Variants in SOX5 observed in about 807,000 individuals in gnomAD.
SOX5 encodes the protein SRY-box transcription factor 5.
A neutral mutation model predicts 92.0 loss-of-function variants in SOX5; 9 were observed. The ratio of observed to expected loss-of-function variants is 0.10; its 90% CI spans 0.06 to 0.17. The LOEUF (loss-of-function observed/expected upper bound fraction) is 0.17, where lower values mean the gene tolerates loss of function less well. Among genes scored for constraint, SOX5 ranks in the 10% least tolerant of loss-of-function variants. The probability of loss-of-function intolerance (pLI) is 1.00; values close to 1 mark genes in which losing one functional copy is unlikely to be tolerated. For synonymous variants in SOX5, 344 were observed against 336.3 expected, an observed-to-expected ratio of 1.02 and a Z score of -0.25; for missense variants, 642 against 944.5, an observed-to-expected ratio of 0.68 and a Z score of 4.20.
intron 7 of SOX5, among the ~76,000 whole-genome samples, chr12:23,661,937 CTT>C (rs1411046925): frequency 1.3e-5 from 2 of 152,090 alleles, no homozygotes; most frequent in Non-Finnish European, 2.9e-5. Flanking sequence ...TAAATTATCT[CTT>C]ATACAGTCTG....
chr12:23,920,240 A>C (rs1034142852), intron 1 of SOX5: 9 of 152,250 alleles, frequency 5.9e-5, no homozygotes, highest in African/African-American at 9.6e-5. Flanking sequence ...GATAGAAAAG[A>C]ATGTTTTTAA....
At chr12:23,579,017 G>A (rs1382432321) in intron 9 of SOX5, among the ~76,000 whole-genome samples, 1 of 152,214 alleles carries the variant, frequency 6.6e-6, no homozygotes, top group Non-Finnish European at 1.5e-5. Flanking sequence ...GAACAGGGAA[G>A]ATATTTATGA....
At chr12:23,566,657 G>A (rs897607871) in intron 10 of SOX5, among the ~76,000 whole-genome samples, 2 of 152,142 alleles carry the variant, frequency 1.3e-5, no homozygotes, top group Non-Finnish European at 1.5e-5. Flanking sequence ...TACACAAGTT[G>A]TTTTACTGTT....
At chr12:23,940,334 C>T (rs1411394536) in intron 1 of SOX5, among the ~76,000 whole-genome samples, 1 of 151,178 alleles carries the variant, frequency 6.6e-6, no homozygotes, top group East Asian at 1.9e-4. Context: ...TCCTAAGAGA[C>T]ACCATGGCTG....
rs1962217397 is a variant in SOX5 at position 24,403,441 on chromosome 12, CA to C, written c.-250-34803del. Among the ~76,000 whole-genome samples, 5 of 152,134 alleles carry C rather than the reference CA, an allele frequency of 3.3e-5. No individual in the cohort carries two copies. In the South Asian group the frequency reaches 1.0e-3, roughly 32 times the overall value. ...AGTAAAGCTCGGTTGAATGAATAAA[CA>C]AAAAAGGAGGAGAAGCAAATATACC... is the stretch of plus-strand genomic sequence containing the variant. On this transcript the variant is annotated intron_variant, in intron 1 of 4. Transcript: ENST00000446891.
intron 3 of SOX5, among the ~76,000 whole-genome samples, chr12:24,250,098 A>G (rs185647496): frequency 1.3e-4 from 20 of 152,354 alleles, no homozygotes; most frequent in Non-Finnish European, 2.5e-4. Context: ...GTAAGATTCT[A>G]GAAATCCATC....
At chr12:23,541,720 A>G (rs1343791390) in intron 13 of SOX5, among the ~76,000 whole-genome samples, 1 of 152,172 alleles carries the variant, frequency 6.6e-6, no homozygotes, top group East Asian at 1.9e-4. Flanking sequence ...GAAAAATGAG[A>G]CACAATTTTA....
intron 3 of SOX5, among the ~76,000 whole-genome samples, chr12:24,216,440 C>G (rs771606017): frequency 6.6e-6 from 1 of 151,912 alleles, no homozygotes; most frequent in Non-Finnish European, 1.5e-5. Context: ...GCCGAGGTCA[C>G]GCCACCGCAC....
At chr12:24,276,700 C>T (rs1277281040) in intron 3 of SOX5, among the ~76,000 whole-genome samples, 1 of 152,090 alleles carries the variant, frequency 6.6e-6, no homozygotes, top group Non-Finnish European at 1.5e-5. Context: ...CAGATAGATG[C>T]CCATGGAATG....
At chr12:23,747,815 C>T (rs1272393612) in intron 4 of SOX5, among the ~76,000 whole-genome samples, 1 of 152,028 alleles carries the variant, frequency 6.6e-6, no homozygotes, top group Non-Finnish European at 1.5e-5. Flanking sequence ...CTTGAAATGA[C>T]TGGCTTTTTT....
intron 2 of SOX5, among the ~76,000 whole-genome samples, chr12:23,874,524 CATA>C (rs1193532655): frequency 7.2e-5 from 11 of 152,030 alleles, no homozygotes; most frequent in Non-Finnish European, 4.4e-5. Context: ...TTAATGAAAA[CATA>C]ATAGGTTCCA....
chr12:23,654,541 C>A (rs2082075348), intron 7 of SOX5, among the ~76,000 whole-genome samples: 1 of 152,034 alleles, frequency 6.6e-6, no homozygotes, highest in Non-Finnish European at 1.5e-5. Flanking sequence ...TTTCTTAAAT[C>A]CAACCAAGAT....
chr12:23,742,097 G>T (rs1263151441), intron 4 of SOX5, among the ~76,000 whole-genome samples: 1 of 152,038 alleles, frequency 6.6e-6, no homozygotes, highest in East Asian at 1.9e-4. Context: ...TACTGCATTT[G>T]CCACCTGTAT....
intron 2 of SOX5, among the ~76,000 whole-genome samples, chr12:23,886,498 G>C (rs2097067591): frequency 6.6e-6 from 1 of 151,938 alleles, no homozygotes. Context: ...TTTCATTCTA[G>C]TTTCTAGAAA....
chr12:24,205,706 C>T (rs553685459), intron 4 of SOX5, among the ~76,000 whole-genome samples: 11 of 152,264 alleles, frequency 7.2e-5, no homozygotes, highest in South Asian at 2.1e-4. Flanking sequence ...CAAGAAAAGG[C>T]GGTGGCTTCA....
In SOX5 at chr12:23,837,277, ATTT is replaced by A. The variant is rs1330655319; in HGVS notation, c.481+8703_481+8705del. ...TATATTTATATAATATATAATATGT[ATTT>A]ATATTTATATTTATATAATATATAA... On this transcript the variant is annotated intron_variant, in intron 3 of 14. Coordinates refer to ENST00000451604, the MANE Select transcript of SOX5 (RefSeq NM_006940.6). 3.4e-4 allele frequency among the ~76,000 whole-genome samples: 28 copies of A among 81,722 alleles called. 3 individuals carry two copies. The East Asian group carries it at 0.034, about 100-fold the overall frequency. The allele number at this position is 81,722 out of a possible 152,430, so 53.6% of individuals were successfully genotyped here. A position where few individuals can be genotyped will look rare whatever the true frequency, so the allele number is the denominator to read the frequency against.
intron 9 of SOX5, among the ~76,000 whole-genome samples, chr12:23,600,775 T>C (rs1362358393): frequency 3.3e-5 from 5 of 151,792 alleles, no homozygotes; most frequent in Non-Finnish European, 7.4e-5. Flanking sequence ...TGTGCCGTTT[T>C]CAGAGGTTCA....
intron 1 of SOX5, among the ~76,000 whole-genome samples, chr12:23,935,156 G>A (rs1385595874): frequency 4.0e-5 from 6 of 151,218 alleles, no homozygotes; most frequent in East Asian, 1.9e-4. Flanking sequence ...CCAATGCCTC[G>A]TTACCATAAA....
intron 1 of SOX5, among the ~76,000 whole-genome samples, chr12:24,508,656 C>T (rs556464289): frequency 1.3e-5 from 2 of 152,260 alleles, no homozygotes; most frequent in East Asian, 3.9e-4. Context: ...GAATCATTCA[C>T]GCTGTGGTCC....
Sources: gnomAD v4.1 joint callset for allele counts (sites outside exome capture counted in the v4.1 genomes callset) on GRCh38, gnomAD v4.1.1 for gene constraint, MANE v1.5 for transcripts, NCBI Gene and HGNC (gene_info 2026-07-23, HGNC 2026-07-21) for gene names.